KAZN: variants seen among roughly 807,000 people sequenced by gnomAD.
KAZN encodes the protein kazrin.
A neutral mutation model predicts 87.4 loss-of-function variants in KAZN; 40 were observed. That is an observed-to-expected ratio of 0.46 (90% confidence interval 0.36 to 0.60). The LOEUF (loss-of-function observed/expected upper bound fraction) is 0.60. Ranked by LOEUF, KAZN falls within the 20% of genes least tolerant of loss-of-function variation. KAZN has a pLI of 0.00. For missense variants in KAZN, 898 were observed against 1,073.9 expected (o/e 0.84, Z 2.29); for synonymous variants, 466 against 458.3 (o/e 1.02, Z -0.22).
chr1:14,066,349 C>T (rs909992400), intron 1 of KAZN, among the ~76,000 whole-genome samples: 25 of 152,046 alleles, frequency 1.6e-4, no homozygotes, highest in African/African-American at 5.1e-4. Flanking sequence ...GTGGGATTGC[C>T]GGATCGAACG....
rs1325514148 is a variant in KAZN at position 15,099,922 on chromosome 1, C to T, written c.1548-1621C>T. 6.6e-6 allele frequency among the ~76,000 whole-genome samples: 1 copy of T among 152,250 alleles called. No individual in the cohort carries two copies. The highest frequency in any genetic ancestry group is 1.5e-5 in the Non-Finnish European group (1 of 68,012). ...AGAGTGACCGACAGACAAGGACGGG[C>T]TATCAGCTTGGGAGCTGGGTGACAG... On this transcript the variant is annotated intron_variant, in intron 10 of 14. Coordinates refer to ENST00000376030, the MANE Select transcript of KAZN (RefSeq NM_201628.3). This position sits in a 1 kb window ranked among gnomAD's most constrained non-coding sequence, Gnocchi z 5.4.
intron 2 of KAZN, among the ~76,000 whole-genome samples, chr1:14,977,241 T>C (rs1665735408): frequency 6.6e-6 from 1 of 152,104 alleles, no homozygotes; most frequent in South Asian, 2.1e-4. Context: ...ACAGGATTGC[T>C]CCTGTCCCCG....
At chr1:14,540,671 G>A (rs889155066) in intron 2 of KAZN, among the ~76,000 whole-genome samples, 3 of 152,186 alleles carry the variant, frequency 2.0e-5, no homozygotes, top group African/African-American at 7.2e-5. Context: ...AGTAAGCCAA[G>A]TCTGTGGTCT....
chr1:14,092,888 A>C (rs1203236678), intron 1 of KAZN, among the ~76,000 whole-genome samples: 3 of 152,196 alleles, frequency 2.0e-5, no homozygotes, highest in Non-Finnish European at 2.9e-5. Context: ...CAATTTATGA[A>C]ATAATCGTAT....
At chr1:14,970,218 C>G (rs546008532) in intron 2 of KAZN, among the ~76,000 whole-genome samples, 1 of 152,268 alleles carries the variant, frequency 6.6e-6, no homozygotes, top group African/African-American at 2.4e-5. Flanking sequence ...TTGCTGTATA[C>G]CCAGTTTCCC....
intron 1 of KAZN, among the ~76,000 whole-genome samples, chr1:14,097,493 A>G (rs1232355555): frequency 6.6e-6 from 1 of 152,156 alleles, no homozygotes; most frequent in Non-Finnish European, 1.5e-5. Context: ...GAAATGAGAG[A>G]CACAAGGAAA....
chr1:14,366,717 C>T (rs1171112505), intron 2 of KAZN, among the ~76,000 whole-genome samples: 1 of 152,216 alleles, frequency 6.6e-6, no homozygotes, highest in Non-Finnish European at 1.5e-5. Flanking sequence ...TTACAGTGCT[C>T]TTTGAGCTCT....
intron 2 of KAZN, among the ~76,000 whole-genome samples, chr1:14,536,830 C>T (rs1254631725): frequency 2.6e-5 from 4 of 151,850 alleles, no homozygotes; most frequent in Non-Finnish European, 4.4e-5. Flanking sequence ...TGCAGTGAGC[C>T]GAGATCACGC....
intron 2 of KAZN, among the ~76,000 whole-genome samples, chr1:14,543,769 C>T (rs977568631): frequency 2.0e-5 from 3 of 152,178 alleles, no homozygotes; most frequent in Non-Finnish European, 4.4e-5. Context: ...GAGTATTTCA[C>T]ACATTAGAAA....
At chr1:14,155,867 C>A (rs144000902) in intron 1 of KAZN, among the ~76,000 whole-genome samples, 2,222 of 152,236 alleles carry the variant, frequency 0.015, 36 homozygotes, top group Non-Finnish European at 0.023. Context: ...CCAAGCTGAT[C>A]TCGAACTCCT....
intron 2 of KAZN, among the ~76,000 whole-genome samples, chr1:14,238,038 T>G (rs1262614268): frequency 6.6e-6 from 1 of 152,224 alleles, no homozygotes; most frequent in East Asian, 1.9e-4. Flanking sequence ...ATGACATTTT[T>G]TAACAGCTTT....
chr1:14,741,312 G>A (rs1388995219), intron 1 of KAZN, among the ~76,000 whole-genome samples: 3 of 152,210 alleles, frequency 2.0e-5, no homozygotes, highest in Admixed American at 6.5e-5. Flanking sequence ...GCTCAATGTC[G>A]GGCATGAGGA....
At chr1:14,903,660 G>C (rs1656181022) in intron 1 of KAZN, among the ~76,000 whole-genome samples, 1 of 152,210 alleles carries the variant, frequency 6.6e-6, no homozygotes, top group Non-Finnish European at 1.5e-5. Context: ...TGAAAGACAA[G>C]CTCACCACAC....
chr1:14,649,251 A>G (rs1454758217), intron 1 of KAZN, among the ~76,000 whole-genome samples: 6 of 152,226 alleles, frequency 3.9e-5, no homozygotes, highest in Non-Finnish European at 5.9e-5. Context: ...TCCACATACC[A>G]TTGATAGAGA....
intron 1 of KAZN, among the ~76,000 whole-genome samples, chr1:14,174,449 C>G (rs1179715081): frequency 6.6e-6 from 1 of 152,130 alleles, no homozygotes; most frequent in Non-Finnish European, 1.5e-5. Context: ...CAGGGTTTAG[C>G]CTATCTAAGG....
chr1:14,525,492 T>G (rs1269540820), intron 2 of KAZN, among the ~76,000 whole-genome samples: 1 of 152,228 alleles, frequency 6.6e-6, no homozygotes, highest in Non-Finnish European at 1.5e-5. Context: ...ACTTTATTTA[T>G]GCACACTGAA....
At chr1:14,313,057 C>G (rs187523115) in intron 2 of KAZN, among the ~76,000 whole-genome samples, 1 of 152,244 alleles carries the variant, frequency 6.6e-6, no homozygotes, top group Non-Finnish European at 1.5e-5. Flanking sequence ...ATAACTAATA[C>G]AACATGCATA....
At chr1:14,870,606 G>T (rs1652028787) in intron 1 of KAZN, among the ~76,000 whole-genome samples, 1 of 152,160 alleles carries the variant, frequency 6.6e-6, no homozygotes, top group Non-Finnish European at 1.5e-5. Context: ...TTCCCAAAGT[G>T]CTGGGATTAC....
At chr1:14,885,494 T>C (rs1207112102) in intron 1 of KAZN, among the ~76,000 whole-genome samples, 3 of 152,148 alleles carry the variant, frequency 2.0e-5, no homozygotes, top group Non-Finnish European at 2.9e-5. Context: ...CACTGCACCC[T>C]TTATTTCCTT....
Sources: gnomAD v4.1 joint callset for allele counts (sites outside exome capture counted in the v4.1 genomes callset) on GRCh38, gnomAD v4.1.1 for gene constraint, Gnocchi (gnomAD v3.1) non-coding constraint, MANE v1.5 for transcripts, NCBI Gene and HGNC (gene_info 2026-07-23, HGNC 2026-07-21) for gene names.